Variants in SPIRE1 observed in about 807,000 individuals in gnomAD.
The protein encoded by SPIRE1 is protein spire homolog 1.
A neutral mutation model predicts 94.1 loss-of-function variants in SPIRE1; 40 were observed. That is an observed-to-expected ratio of 0.43 (90% CI 0.33 to 0.55). The LOEUF is 0.55. Ranked by LOEUF, SPIRE1 falls within the 20% of genes least tolerant of loss-of-function variation. The pLI, the probability that SPIRE1 is intolerant of heterozygous loss-of-function variation, is 0.06. For missense variants in SPIRE1, 838 were observed against 975.2 expected (o/e 0.86, Z 1.87); for synonymous variants, 376 against 371.7 (o/e 1.01, Z -0.13).
At chr18:12,617,787 C>T (rs1443930671) in intron 2 of SPIRE1, among the ~76,000 whole-genome samples, 5 of 151,884 alleles carry the variant, frequency 3.3e-5, no homozygotes, top group Admixed American at 2.0e-4. Flanking sequence ...AACTCCTGAC[C>T]TCAAGTGATC....
At chr18:12,454,019 G>A (rs1436352832) in intron 13 of SPIRE1, among the ~76,000 whole-genome samples, 2 of 152,088 alleles carry the variant, frequency 1.3e-5, no homozygotes, top group African/African-American at 2.4e-5. Flanking sequence ...TCCCAACCTC[G>A]TGATCTGCCC....
intron 13 of SPIRE1, 86 bp downstream of exon 13, chr18:12,454,260 G>A (rs2031395359): frequency 6.6e-7 from 1 of 1,504,072 alleles, no homozygotes; most frequent in African/African-American, 1.4e-5. Flanking sequence ...TGTGCCACCT[G>A]GCTAGCAGAT....
chr18:12,661,078 C>T (rs975244650), upstream of SPIRE1, among the ~76,000 whole-genome samples: 1 of 152,132 alleles, frequency 6.6e-6, no homozygotes, highest in Non-Finnish European at 1.5e-5. Context: ...GAGGCCGAGG[C>T]GGGCAGATCA....
At chr18:12,608,408 T>C (rs2037048156) in intron 2 of SPIRE1, among the ~76,000 whole-genome samples, 1 of 152,222 alleles carries the variant, frequency 6.6e-6, no homozygotes, top group Admixed American at 6.5e-5. Context: ...TCCGTTTGTT[T>C]CTAGTAAGGT....
chr18:12,493,011 G>C, intron 8 of SPIRE1, 61 bp downstream of exon 8: 1 of 1,524,540 alleles, frequency 6.6e-7, no homozygotes, highest in Non-Finnish European at 8.8e-7. Context: ...GGGGCTGGGT[G>C]TATAAAGATC....
At position 12,618,221 on chromosome 18, in the gene SPIRE1, C is replaced by A. The variant is rs190317182; in HGVS notation, c.372+16841G>T. 1.8e-3 allele frequency among the ~76,000 whole-genome samples: 277 copies of A among 152,206 alleles called. 1 individual carries two copies. Among genetic ancestry groups the A allele is most frequent in the African/African-American group, 6.4e-3 (267 of 41,526 alleles). ...GGTTCACGCCATTCTCCTGCCTCAGCCTCCCGAGTAGCTGGGACTACAGGC... is the reference window on the plus strand; with the variant it reads ...GGTTCACGCCATTCTCCTGCCTCAGACTCCCGAGTAGCTGGGACTACAGGC... On this transcript the variant is annotated intron_variant, in intron 2 of 16. Transcript: ENST00000409402.
chr18:12,533,520 A>C (rs889320306), intron 4 of SPIRE1, among the ~76,000 whole-genome samples: 4 of 152,202 alleles, frequency 2.6e-5, no homozygotes, highest in Non-Finnish European at 5.9e-5. Context: ...GGAACTGCAA[A>C]AGGATCAAGA....
rs1243584156 is a variant in SPIRE1, at chr18:12,453,155, T to A, written c.1777-17A>T. ...AAAGCAGAGCTAAAAAATACAAATT[T>A]AAGAGGAAAAAAAACATTGCCAACA... On this transcript the variant is annotated splice_polypyrimidine_tract_variant and intron_variant, in intron 13 of 16. Coordinates refer to ENST00000409402, the MANE Select transcript of SPIRE1 (RefSeq NM_001128626.2). 5 of 1,586,218 alleles carry A rather than the reference T, an allele frequency of 3.2e-6. No individual in the cohort carries two copies. Among genetic ancestry groups the A allele is most frequent in the Non-Finnish European group, 4.3e-6 (5 of 1,167,440 alleles).
upstream of SPIRE1, among the ~76,000 whole-genome samples, chr18:12,660,211 GACA>G (rs1027846416): frequency 6.6e-6 from 1 of 151,970 alleles, no homozygotes; most frequent in African/African-American, 2.4e-5. Flanking sequence ...AAATCTTGAA[GACA>G]ACAATACAGG....
rs943782246 is a variant in SPIRE1 at position 12,559,075 on chromosome 18, G to A, written c.373-12171C>T. On this transcript the variant is annotated intron_variant, in intron 2 of 16. Coordinates refer to ENST00000409402, the MANE Select transcript of SPIRE1 (RefSeq NM_001128626.2). The surrounding 1 kb of genome is among the most constrained non-coding windows in gnomAD (Gnocchi z 4.7). ...GAGGTGCCCGCCAGTCCCGTGCCAC[G>A]TGCCTGCACTCCTCAGCCCTTGGGC... Among the ~76,000 whole-genome samples, 7 of 152,026 alleles carry A rather than the reference G, an allele frequency of 4.6e-5. No homozygotes were observed. Among genetic ancestry groups the A allele is most frequent in the African/African-American group, 1.2e-4 (5 of 41,418 alleles).
chr18:12,596,122 A>C (rs2036665046), intron 2 of SPIRE1, among the ~76,000 whole-genome samples: 1 of 152,246 alleles, frequency 6.6e-6, no homozygotes, highest in Admixed American at 6.5e-5. Flanking sequence ...GCAGATCTGC[A>C]ATCAAGTCTG....
chr18:12,597,123 C>A (rs1429773646), intron 2 of SPIRE1, among the ~76,000 whole-genome samples: 1 of 150,666 alleles, frequency 6.6e-6, no homozygotes, highest in Non-Finnish European at 1.5e-5. Context: ...CCTCTATTCA[C>A]GGATTTTTGC....
At chr18:12,500,247 A>C (rs1352975766) in intron 6 of SPIRE1, among the ~76,000 whole-genome samples, 1 of 152,210 alleles carries the variant, frequency 6.6e-6, no homozygotes, top group Non-Finnish European at 1.5e-5. Flanking sequence ...TACCTATGTA[A>C]CAAACAGGCA....
chr18:12,598,852 T>C, intron 2 of SPIRE1, among the ~76,000 whole-genome samples: 1 of 152,242 alleles, frequency 6.6e-6, no homozygotes, highest in South Asian at 2.1e-4. Context: ...TCTGGAGTTC[T>C]AGCTTCTGAG....
intron 12 of SPIRE1, chr18:12,459,764 T>C (rs1407586034): frequency 2.0e-6 from 2 of 985,726 alleles, no homozygotes; most frequent in East Asian, 2.3e-4. Flanking sequence ...CCTTTGAGGA[T>C]TTCCACCTGC....
chr18:12,566,034 A>C (rs902656028), intron 2 of SPIRE1, among the ~76,000 whole-genome samples: 10 of 150,322 alleles, frequency 6.7e-5, no homozygotes, highest in Admixed American at 6.0e-4. Flanking sequence ...AAACAAACAA[A>C]CAAAAAAAAA....
At chr18:12,460,951 C>T (rs920532278) in intron 12 of SPIRE1, among the ~76,000 whole-genome samples, 1 of 152,146 alleles carries the variant, frequency 6.6e-6, no homozygotes, top group African/African-American at 2.4e-5. Context: ...TGGAGGCCTG[C>T]GTGGACTCTG....
intron 3 of SPIRE1, among the ~76,000 whole-genome samples, chr18:12,542,962 G>T (rs1470481220): frequency 6.6e-6 from 1 of 152,102 alleles, no homozygotes; most frequent in Non-Finnish European, 1.5e-5. Context: ...AAGTAGCTGG[G>T]ATTTCAGGCA....
At chr18:12,655,655 G>C (rs1445105079) in intron 1 of SPIRE1, among the ~76,000 whole-genome samples, 1 of 151,906 alleles carries the variant, frequency 6.6e-6, no homozygotes, top group Non-Finnish European at 1.5e-5. Flanking sequence ...ACTCACACTA[G>C]TGATGTAAAA....
Sources: allele counts gnomAD v4.1 joint callset (sites outside exome capture counted in the v4.1 genomes callset), GRCh38; gene constraint gnomAD v4.1.1; non-coding constraint Gnocchi (gnomAD v3.1); transcripts MANE v1.5; gene names NCBI Gene and HGNC (gene_info 2026-07-23, HGNC 2026-07-21).